Variants in SHE observed in about 807,000 individuals in gnomAD.
SHE encodes the protein Src homology 2 domain containing E, also known as SH2 domain-containing adapter protein E.
In SHE, 11 loss-of-function variants were observed where a neutral mutation model predicts 49.8. The observed-to-expected ratio is 0.22, with a 90% confidence interval of 0.14 to 0.37. SHE has a LOEUF of 0.37. Among genes scored for constraint, SHE ranks in the 10% least tolerant of loss-of-function variants. SHE has a pLI of 1.00. For missense variants in SHE, 624 were observed against 655.5 expected, an observed-to-expected ratio of 0.95 and a Z score of 0.52; for synonymous variants, 310 against 278.1, an observed-to-expected ratio of 1.11 and a Z score of -1.14.
Position 154,482,979 on chromosome 1 carries a change from C to T in SHE, c.*1170G>A. On this transcript the variant is annotated 3_prime_UTR_variant, in exon 6 of 6. Transcript: ENST00000304760. The stretch of plus-strand genomic sequence containing the variant: ...AAATTATTCCATAGCAACTAAAATG[C>T]CCAATGATGATGAAACAAAAGACAT... 1.0e-6 allele frequency: 1 copy of T among 984,698 alleles called. No individual in the cohort carries two copies. Among genetic ancestry groups the T allele is most frequent in the Non-Finnish European group, 1.2e-6 (1 of 829,428 alleles). 61.0% of individuals were successfully genotyped at this position (984,698 alleles called of 1,614,324 possible).
chr1:154,488,328 G>A (rs1313257773), intron 3 of SHE, among the ~76,000 whole-genome samples: 7 of 151,740 alleles, frequency 4.6e-5, no homozygotes, highest in Admixed American at 2.0e-4. Flanking sequence ...GCATGATCTC[G>A]GCTCACTGCA....
intron 3 of SHE, among the ~76,000 whole-genome samples, chr1:154,487,856 CAA>C (rs543109429): frequency 2.4e-5 from 3 of 124,146 alleles, no homozygotes; most frequent in Non-Finnish European, 3.4e-5. Flanking sequence ...TCTCAAAAAA[CAA>C]AAAAAAAAAA....
intron 2 of SHE, among the ~76,000 whole-genome samples, chr1:154,489,979 GACTCGAAGT>G (rs1692314228): frequency 6.6e-6 from 1 of 152,172 alleles, no homozygotes. Flanking sequence ...GGCTGTATGT[GACTCGAAGT>G]ACAATTTCTA....
rs1692751243 is a variant in SHE, at chr1:154,501,581, T to C, written c.446A>G (p.Lys149Arg). 1 of 1,614,160 alleles carries C rather than the reference T, an allele frequency of 6.2e-7. No individual in the cohort carries two copies. The highest frequency in any genetic ancestry group is 1.1e-5 in the South Asian group (1 of 91,072). ...CCCGTTCTTCTCCTGAGTGTCCACC[T>C]TGATGAGCCTGTTGATGTAGGTGCT... Reference protein sequence around the residue: ...GCSTYINRLIKVDTQEKNGKS... With the variant: ...GCSTYINRLIRVDTQEKNGKS... The change falls in exon 1 of 6, where the codon AAG becomes AGG. Residue 149 changes from lysine to arginine, a missense_variant. By Grantham distance (26) the Lys-to-Arg change is conservative. This residue lies in a region of SHE where 337 missense variants were observed against 306.0 expected (regional missense o/e 1.10). Coordinates refer to ENST00000304760, the MANE Select transcript of SHE (RefSeq NM_001010846.3).
At chr1:154,478,326 C>T (rs546895904), downstream of SHE, among the ~76,000 whole-genome samples, 23 of 151,598 alleles carry the variant, frequency 1.5e-4, no homozygotes, top group South Asian at 1.0e-3. Flanking sequence ...CGAGCAGCCC[C>T]GTGGGCCATC....
chr1:154,470,935 G>C (rs986686407), intron 1 of SHE, among the ~76,000 whole-genome samples: 1 of 151,940 alleles, frequency 6.6e-6, no homozygotes, highest in African/African-American at 2.4e-5. Context: ...GCTTGAACCC[G>C]GGAGGCGGAG....
At position 154,483,267 on chromosome 1, in the gene SHE, A is replaced by C; in HGVS notation, c.*882T>G. 1 of 985,414 alleles carries C rather than the reference A, an allele frequency of 1.0e-6. No individual in the cohort carries two copies. Among genetic ancestry groups the C allele is most frequent in the Non-Finnish European group, 1.2e-6 (1 of 829,936 alleles). The allele number at this position is 985,414 out of a possible 1,614,324, so 61.0% of individuals were successfully genotyped here. ...AACACACACTTTCTTGGAAAGGCTG[A>C]CCAACAAAATAATCCTTAGGCCACA... is the stretch of plus-strand genomic sequence containing the variant. On this transcript the variant is annotated 3_prime_UTR_variant, in exon 6 of 6. Coordinates refer to ENST00000304760, the MANE Select transcript of SHE (RefSeq NM_001010846.3).
chr1:154,484,508 G>C, intron 5 of SHE, 173 bp from the exon 6 acceptor site: 1 of 572,468 alleles, frequency 1.7e-6, no homozygotes. Flanking sequence ...AAATTTCACA[G>C]TCTAAACGCA....
Position 154,501,840 on chromosome 1 carries a change from C to A in SHE, c.187G>T (p.Gly63Cys). The A allele has an allele frequency of 2.6e-6, 4 of 1,542,214 alleles. No individual in the cohort carries two copies. The highest frequency in any genetic ancestry group is 3.5e-6 in the Non-Finnish European group (4 of 1,151,088). ...SERAKPGGGG[G>C]KLRKNSEAGG... ...GCCTCCGAGTTCTTGCGCAATTTGC[C>A]GCCGCCGCCCCCGGGCTTGGCCCGC... is the stretch of plus-strand genomic sequence containing the variant. Residue 63 changes from glycine (G) to cysteine (C), a missense_variant, in exon 1 of 6, where the codon GGC becomes TGC. This residue lies in a region of SHE where 337 missense variants were observed against 306.0 expected (regional missense o/e 1.10). Transcript: ENST00000304760.
chr1:154,482,982 A>G lies in SHE; in HGVS notation c.*1167T>C. 2.0e-6 allele frequency: 2 copies of G among 984,956 alleles called. No individual in the cohort carries two copies. The highest frequency in any genetic ancestry group is 2.4e-6 in the Non-Finnish European group (2 of 829,488). 61.0% of individuals were successfully genotyped at this position (984,956 alleles called of 1,614,324 possible). On this transcript the variant is annotated 3_prime_UTR_variant, in exon 6 of 6. Transcript: ENST00000304760. ...TTATTCCATAGCAACTAAAATGCCC[A>G]ATGATGATGAAACAAAAGACATCGA...
chr1:154,480,110 C>T lies in SHE; in HGVS notation c.*4039G>A, dbSNP rs1484125586. 14 of 985,334 alleles carry T rather than the reference C, an allele frequency of 1.4e-5. No homozygotes were observed. The highest frequency in any genetic ancestry group is 4.7e-5 in the South Asian group (1 of 21,288). The allele number at this position is 985,334 out of a possible 1,614,324, so 61.0% of individuals were successfully genotyped here. ...CAGCAGGCCAAGTTTCTCTAGTCCA[C>T]GTTAGTGGGGCACAAAAATTGGAAA... On this transcript the variant is annotated 3_prime_UTR_variant, in exon 6 of 6. Transcript: ENST00000304760.
rs781170865 is a variant in SHE, at chr1:154,489,246, G to T, written c.829C>A (p.Arg277=). ...GLKSETLAKR[R]SSKDLLGKPP... ...TTCCCCAGGAGGTCCTTGGAACTCC[G>T]TCTTTTGGCCAAGGTCTCTGATTTC... The change falls in exon 3 of 6, where the codon CGG becomes AGG. Residue 277 remains arginine (R), a synonymous_variant. Coordinates refer to ENST00000304760, the MANE Select transcript of SHE (RefSeq NM_001010846.3). 6.8e-6 allele frequency: 11 copies of T among 1,614,064 alleles called. No individual in the cohort carries two copies. Among genetic ancestry groups the T allele is most frequent in the Non-Finnish European group, 8.5e-7 (1 of 1,180,046 alleles).
intron 1 of SHE, among the ~76,000 whole-genome samples, chr1:154,472,126 G>A (rs1691760663): frequency 3.5e-5 from 1 of 28,362 alleles, no homozygotes; most frequent in Non-Finnish European, 4.8e-4. Context: ...TGAGCACTCT[G>A]TCTCAAAAAA....
At position 154,481,465 on chromosome 1, in the gene SHE, A is replaced by C; in HGVS notation, c.*2684T>G. On this transcript the variant is annotated 3_prime_UTR_variant, in exon 6 of 6. Transcript: ENST00000304760. ...GTATAGAAGAAGCATAATACTGGGC[A>C]TATGACAGAAGCTCAATAAATACTT... The C allele has an allele frequency of 2.0e-6, 2 of 985,476 alleles. No individual in the cohort carries two copies. The highest frequency in any genetic ancestry group is 2.4e-6 in the Non-Finnish European group (2 of 829,938). 61.0% of individuals were successfully genotyped at this position (985,476 alleles called of 1,614,324 possible).
At chr1:154,472,362 G>A (rs540326099) in intron 1 of SHE, among the ~76,000 whole-genome samples, 22 of 152,316 alleles carry the variant, frequency 1.4e-4, no homozygotes, top group Middle Eastern at 3.4e-3. Flanking sequence ...CATGTAATGC[G>A]GCCAGCTTGT....
In SHE at chr1:154,483,487, G is replaced by A. The variant is rs1692077259; in HGVS notation, c.*662C>T. The A allele has an allele frequency of 1.0e-6, 1 of 985,348 alleles. No individual in the cohort carries two copies. The highest frequency in any genetic ancestry group is 1.2e-6 in the Non-Finnish European group (1 of 829,924). The allele number at this position is 985,348 out of a possible 1,614,324, so 61.0% of individuals were successfully genotyped here. A position where few individuals can be genotyped will look rare whatever the true frequency, so the allele number is the denominator to read the frequency against. On this transcript the variant is annotated 3_prime_UTR_variant, in exon 6 of 6. Transcript: ENST00000304760. ...TGGATTTTTTGTTGGTTTGTTTAGA[G>A]ACCAGGTATTCCAGGTAACAAGTAG... is the stretch of plus-strand genomic sequence containing the variant.
At chr1:154,497,124 T>G (rs1289773881) in intron 2 of SHE, among the ~76,000 whole-genome samples, 1 of 152,168 alleles carries the variant, frequency 6.6e-6, no homozygotes, top group East Asian at 1.9e-4. Context: ...GGGTACACCC[T>G]CCCCACACGG....
chr1:154,470,612 G>T lies in SHE; in HGVS notation c.103-250C>A, dbSNP rs189532320. Among the ~76,000 whole-genome samples, 371 of 152,274 alleles carry T rather than the reference G, an allele frequency of 2.4e-3. 1 individual carries two copies. The highest frequency in any genetic ancestry group is 8.4e-3 in the African/African-American group (347 of 41,534). On this transcript the variant is annotated intron_variant, in intron 1 of 1. Transcript: ENST00000486773. Reference sequence around the variant, plus strand: ...CCTAGCACTTTGGGAGGCTGAGGTGGGTGGATCACTTGAGGTCAGGAGTTC... The same window carrying T: ...CCTAGCACTTTGGGAGGCTGAGGTGTGTGGATCACTTGAGGTCAGGAGTTC...
In SHE at chr1:154,501,969, C is replaced by G. The variant is rs907101218; in HGVS notation, c.58G>C (p.Ala20Pro). 5 of 1,424,648 alleles carry G rather than the reference C, an allele frequency of 3.5e-6. No individual in the cohort carries two copies. The African/African-American group carries it at 4.5e-5, about 13-fold the overall frequency. 88.3% of individuals were successfully genotyped at this position (1,424,648 alleles called of 1,614,324 possible). The change falls in exon 1 of 6, where the codon GCC (alanine) becomes CCC (proline). Residue 20 changes from alanine to proline, a missense_variant. By Grantham distance (27) the Ala-to-Pro change is conservative. Coordinates refer to ENST00000304760, the MANE Select transcript of SHE (RefSeq NM_001010846.3). ...SACLGWASSL[A>P]CSTAPTLLGR... The stretch of plus-strand genomic sequence containing the variant: ...AGGAGCGTCGGGGCCGTGGAGCAGG[C>G]GAGCGAGGAAGCCCAGCCCAGACAC...
Sources: allele counts gnomAD v4.1 joint callset (sites outside exome capture counted in the v4.1 genomes callset), GRCh38; gene constraint gnomAD v4.1.1; regional missense constraint gnomAD v4.1.1; transcripts MANE v1.5; gene names NCBI Gene and HGNC (gene_info 2026-07-23, HGNC 2026-07-21).